LTBP2: variants seen among roughly 807,000 people sequenced by gnomAD.
LTBP2 encodes the protein latent-transforming growth factor beta-binding protein 2.
Under a neutral mutation model 210.6 loss-of-function variants are expected in LTBP2, and 103 were observed. That is an observed-to-expected ratio of 0.49 (90% CI 0.42 to 0.58). The LOEUF (loss-of-function observed/expected upper bound fraction) is 0.58, where lower values mean the gene tolerates loss of function less well. LTBP2 is among the 20% of genes least tolerant of loss of function. LTBP2 has a pLI of 0.00. For missense variants in LTBP2, 2,313 were observed against 2,494.5 expected (o/e 0.93, Z 1.55); for synonymous variants, 1,007 against 1,015.0 (o/e 0.99, Z 0.15).
rs948663284 is a variant in LTBP2 at position 74,508,842 on chromosome 14, T to C, written c.3514A>G (p.Thr1172Ala). Residue 1172 changes from threonine (T) to alanine (A), a missense_variant, in exon 23 of 36, where the codon ACC becomes GCC. Coordinates refer to ENST00000261978, the MANE Select transcript of LTBP2 (RefSeq NM_000428.3). ...CPQGFQLANGTVCEDVNECMG... is the reference protein window; with the variant it reads ...CPQGFQLANGAVCEDVNECMG... ...CTGGGTCACTCACCCTCACACACGG[T>C]GCCATTGGCCAGCTGGAAGCCCTGG... 1 of 1,613,440 alleles carries C rather than the reference T, an allele frequency of 6.2e-7. No individual in the cohort carries two copies. Among genetic ancestry groups the C allele is most frequent in the Admixed American group, 1.7e-5 (1 of 59,980 alleles).
At chr14:74,597,851 T>A (rs937573322) in intron 2 of LTBP2, among the ~76,000 whole-genome samples, 3 of 152,186 alleles carry the variant, frequency 2.0e-5, no homozygotes, top group African/African-American at 7.2e-5. Flanking sequence ...GAGATGAGAC[T>A]TTCCTGGCTC....
At chr14:74,526,051 G>C in intron 14 of LTBP2, 24 bp downstream of exon 14, 1 of 1,594,816 alleles carries the variant, frequency 6.3e-7, no homozygotes, top group Non-Finnish European at 8.5e-7. Flanking sequence ...TTTTGCCTAG[G>C]AGCCGCCAGG....
At position 74,596,268 on chromosome 14, in the gene LTBP2, T is replaced by A. The variant is rs1328451041; in HGVS notation, c.565+7367A>T. On this transcript the variant is annotated intron_variant, in intron 2 of 35. Transcript: ENST00000261978. The stretch of plus-strand genomic sequence containing the variant: ...AAATAAATAAATAAATAAATAAAAA[T>A]TAAAAACAAAGAAGTGGAGCAGAAC... 5.5e-4 allele frequency among the ~76,000 whole-genome samples: 64 copies of A among 117,122 alleles called. 1 individual carries two copies. Among genetic ancestry groups the A allele is most frequent in the African/African-American group, 1.7e-3 (61 of 36,826 alleles). The allele number at this position is 117,122 out of a possible 152,430, so 76.8% of individuals were successfully genotyped here.
chr14:74,596,106 T>C (rs1173427604), intron 2 of LTBP2, among the ~76,000 whole-genome samples: 1 of 152,014 alleles, frequency 6.6e-6, no homozygotes, highest in Non-Finnish European at 1.5e-5. Context: ...ACACCTGTAA[T>C]CCCAGCTACT....
In LTBP2 at chr14:74,522,483, T is replaced by C. The variant is rs144030264; in HGVS notation, c.2659+307A>G. Among the ~76,000 whole-genome samples the C allele has an allele frequency of 1.3e-3, 204 of 152,064 alleles. 1 individual carries two copies. The highest frequency in any genetic ancestry group is 4.8e-3 in the African/African-American group (199 of 41,476). The stretch of plus-strand genomic sequence containing the variant: ...TGGGTGTGCTCTCCAGGCAGCAAAA[T>C]GGCCAGTTTGAGGGGTGGGCTGATC... On this transcript the variant is annotated intron_variant, in intron 16 of 35. Coordinates refer to ENST00000261978, the MANE Select transcript of LTBP2 (RefSeq NM_000428.3).
chr14:74,569,833 G>A (rs1391826251), intron 3 of LTBP2, among the ~76,000 whole-genome samples: 1 of 152,144 alleles, frequency 6.6e-6, no homozygotes, highest in East Asian at 1.9e-4. Flanking sequence ...TTTGCGGCAT[G>A]AAGGAGGAAG....
At chr14:74,608,684 G>A (rs1402599263) in intron 1 of LTBP2, among the ~76,000 whole-genome samples, 6 of 138,856 alleles carry the variant, frequency 4.3e-5, no homozygotes, top group African/African-American at 1.6e-4. Context: ...CAGCCTGAGT[G>A]ACAGGGCAAG....
chr14:74,564,085 A>T (rs12890729), intron 3 of LTBP2, among the ~76,000 whole-genome samples: 6 of 41,986 alleles, frequency 1.4e-4, no homozygotes, highest in African/African-American at 6.5e-4. Flanking sequence ...TTATATATAT[A>T]TTTATATATA....
intron 13 of LTBP2, 113 bp downstream of exon 13, chr14:74,527,234 T>G (rs1595254359): frequency 3.1e-6 from 4 of 1,309,966 alleles, no homozygotes; most frequent in Middle Eastern, 1.8e-4. Context: ...TAACAGATAC[T>G]CCATCTTTCT....
intron 8 of LTBP2, among the ~76,000 whole-genome samples, chr14:74,540,878 A>ATATATTATATATATTTATATAT (rs2087496868): frequency 1.0e-5 from 1 of 98,278 alleles, no homozygotes; most frequent in South Asian, 2.7e-4. Flanking sequence ...TATATATATA[A>ATATATTATATATATTTATATAT]TATATATATT....
chr14:74,587,630 AG>A (rs1189194910), intron 2 of LTBP2, among the ~76,000 whole-genome samples: 2 of 151,728 alleles, frequency 1.3e-5, no homozygotes, highest in African/African-American at 4.9e-5. Flanking sequence ...GTGGCGGAGG[AG>A]GTGTAGGCAA....
At chr14:74,541,306 G>C (rs1463242184) in intron 8 of LTBP2, among the ~76,000 whole-genome samples, 1 of 152,164 alleles carries the variant, frequency 6.6e-6, no homozygotes, top group Non-Finnish European at 1.5e-5. Context: ...ATGACACCTA[G>C]AGCTGTGTGG....
chr14:74,559,183 T>C (rs2087763277), intron 3 of LTBP2, among the ~76,000 whole-genome samples: 1 of 152,272 alleles, frequency 6.6e-6, no homozygotes, highest in African/African-American at 2.4e-5. Flanking sequence ...CCACTTAAAG[T>C]TCTTCTTTAA....
At chr14:74,582,019 GTTT>G (rs1162135097) in intron 3 of LTBP2, among the ~76,000 whole-genome samples, 1 of 128,498 alleles carries the variant, frequency 7.8e-6, no homozygotes. Context: ...TAGGGTTGTT[GTTT>G]TTTTTTTTTT....
chr14:74,582,383 CACACACACATACAT>C (rs1284226319), intron 3 of LTBP2, among the ~76,000 whole-genome samples: 39 of 119,294 alleles, frequency 3.3e-4, no homozygotes, highest in African/African-American at 1.5e-3. Flanking sequence ...TGTACATGCA[CACACACACATACAT>C]ACACACACAC....
chr14:74,531,354 G>T (rs1298987057), intron 10 of LTBP2, among the ~76,000 whole-genome samples: 1 of 152,170 alleles, frequency 6.6e-6, no homozygotes, highest in African/African-American at 2.4e-5. Context: ...TAATAAATAA[G>T]TCACCTTGGA....
In LTBP2 at chr14:74,502,666, C is replaced by T; in HGVS notation, c.5157G>A (p.Val1719=). The T allele has an allele frequency of 6.2e-7, 1 of 1,614,128 alleles. No homozygotes were observed. The highest frequency in any genetic ancestry group is 1.3e-5 in the African/African-American group (1 of 75,004). The stretch of plus-strand genomic sequence containing the variant: ...AGCAACACAGACCTGGATGGCTGGC[C>T]ACGTAGTGGGGCTGGAGTTCTGAGG... The part of the protein sequence containing the change: ...LQPSELQPHY[V]ASHPEPPAGF... Residue 1719 remains valine, a synonymous_variant, in exon 34 of 36, where the codon GTG becomes GTA. Transcript: ENST00000261978.
At position 74,502,878 on chromosome 14, in the gene LTBP2, C is replaced by A. The variant is rs368669086; in HGVS notation, c.4945G>T (p.Val1649Phe). 1 of 1,613,460 alleles carries A rather than the reference C, an allele frequency of 6.2e-7. No homozygotes were observed. Among genetic ancestry groups the A allele is most frequent in the Non-Finnish European group, 8.5e-7 (1 of 1,180,016 alleles). The change falls in exon 34 of 36, where the codon GTC (valine) becomes TTC (phenylalanine). Residue 1649 changes from valine (V) to phenylalanine (F), a missense_variant. By Grantham distance (50) the Val-to-Phe change is conservative (BLOSUM62 -1). Around this residue, in one of 3 missense-constraint regions of LTBP2, gnomAD observed 443 missense variants for 501.4 expected, o/e 0.88. Transcript: ENST00000261978. ...ARIEAEREAG[V>F]HFRPGYEYGP... ...TACTCATAGCCTGGCCGGAAGTGGA[C>A]CCCGGCCTCCCGCTCTGCCTCAATG...
At chr14:74,503,090 A>C in intron 33 of LTBP2, 129 bp downstream of exon 33, 1 of 1,503,328 alleles carries the variant, frequency 6.7e-7, no homozygotes, top group Non-Finnish European at 9.1e-7. Context: ...TTTGTCCCCA[A>C]ACAGCAGGGA....
Sources: allele counts gnomAD v4.1 joint callset (sites outside exome capture counted in the v4.1 genomes callset), GRCh38; gene constraint gnomAD v4.1.1; regional missense constraint gnomAD v4.1.1; transcripts MANE v1.5; gene names NCBI Gene and HGNC (gene_info 2026-07-23, HGNC 2026-07-21).